CASD1: variants seen among roughly 807,000 people sequenced by gnomAD.
The protein encoded by CASD1 is CAS1 domain sialic acid O acetyltransferase 1.
Under a neutral mutation model 100.0 loss-of-function variants are expected in CASD1, and 41 were observed. The ratio of observed to expected loss-of-function variants is 0.41; its 90% CI spans 0.32 to 0.53. CASD1 has a LOEUF of 0.53. Ranked by LOEUF, CASD1 falls within the 20% of genes least tolerant of loss-of-function variation. CASD1 has a pLI of 0.25. For synonymous variants in CASD1, 321 were observed against 315.6 expected (o/e 1.02, Z -0.18); for missense variants, 774 against 948.7 (o/e 0.82, Z 2.42).
rs747888341 is a variant in CASD1, at chr7:94,555,579, A to G, written c.2215A>G (p.Ile739Val). The part of the protein sequence containing the change: ...LIPGNPMLNI[I>V]VSTFIFVCVA... ...ACCTGGAAACCCTATGCTCAACATC[A>G]TTGTCAGCACTTTCATATTTGTTTG... The change falls in exon 18 of 18, where the codon ATT becomes GTT. Residue 739 changes from isoleucine (I) to valine (V), a missense_variant. Coordinates refer to ENST00000297273, the MANE Select transcript of CASD1 (RefSeq NM_022900.5). The G allele has an allele frequency of 1.2e-5, 19 of 1,613,424 alleles. No individual in the cohort carries two copies. In the African/African-American group the frequency reaches 2.0e-4, roughly 17 times the overall value.
intron 3 of CASD1, chr7:94,524,055 T>C (rs781203787): frequency 5.9e-5 from 9 of 152,120 alleles, no homozygotes; most frequent in Non-Finnish European, 1.2e-4. Context: ...TGGATGAGTT[T>C]AAACTTAAAT....
At chr7:94,518,982 C>T (rs902368525) in intron 3 of CASD1, among the ~76,000 whole-genome samples, 1 of 151,978 alleles carries the variant, frequency 6.6e-6, no homozygotes, top group Non-Finnish European at 1.5e-5. Flanking sequence ...AGAACATAAA[C>T]ATTTAAAAAT....
At chr7:94,557,349 C>T (rs577169218), downstream of CASD1, among the ~76,000 whole-genome samples, 1 of 152,172 alleles carries the variant, frequency 6.6e-6, no homozygotes, top group African/African-American at 2.4e-5. Flanking sequence ...TTTGCCCTTA[C>T]TTAATCTTTT....
the CASD1 span, chr7:94,599,412 A>G: frequency 2.4e-6 from 1 of 416,558 alleles, no homozygotes; most frequent in Non-Finnish European, 4.3e-6. Context: ...TGGTTTATAG[A>G]AATGCAGATT....
downstream of CASD1, among the ~76,000 whole-genome samples, chr7:94,561,557 T>C (rs1383021476): frequency 6.6e-6 from 1 of 152,268 alleles, no homozygotes; most frequent in East Asian, 1.9e-4. Context: ...AGCAGAACTT[T>C]GGAACCTAAA....
At chr7:94,632,827 G>A in the CASD1 span, among the ~76,000 whole-genome samples, 3 of 152,076 alleles carry the variant, frequency 2.0e-5, no homozygotes, top group Admixed American at 6.6e-5. Flanking sequence ...CAGAGAATTC[G>A]AAGCTATAGG....
intron 10 of CASD1, among the ~76,000 whole-genome samples, chr7:94,543,379 C>T (rs1217142960): frequency 1.3e-5 from 2 of 152,118 alleles, no homozygotes; most frequent in Admixed American, 6.6e-5. Flanking sequence ...TATGGACAGG[C>T]GCAGTGGCTC....
intron 3 of CASD1, among the ~76,000 whole-genome samples, chr7:94,522,259 G>T (rs1458750406): frequency 2.6e-5 from 4 of 152,044 alleles, no homozygotes; most frequent in African/African-American, 9.7e-5. Flanking sequence ...AAATGAAAAA[G>T]GATTCACCAG....
the CASD1 span, among the ~76,000 whole-genome samples, chr7:94,567,965 CAT>C: frequency 2.0e-5 from 3 of 152,060 alleles, no homozygotes; most frequent in Non-Finnish European, 4.4e-5. Context: ...GTATAAAGTT[CAT>C]ATGATTCCAA....
chr7:94,594,820 T>G, the CASD1 span, among the ~76,000 whole-genome samples: 7 of 152,146 alleles, frequency 4.6e-5, no homozygotes, highest in Non-Finnish European at 2.9e-5. Context: ...GGCCTTACAT[T>G]TCTAGACTAT....
At chr7:94,585,487 A>C in the CASD1 span, 2 of 1,606,994 alleles carry the variant, frequency 1.2e-6, no homozygotes, top group Admixed American at 3.3e-5. Context: ...TGCTTCAGTC[A>C]GTTTTCTTTC....
chr7:94,602,993 C>T, the CASD1 span, among the ~76,000 whole-genome samples: 2 of 152,156 alleles, frequency 1.3e-5, no homozygotes, highest in African/African-American at 4.8e-5. Context: ...CATACTAACT[C>T]CACTATCTGT....
chr7:94,614,591 A>G, the CASD1 span, among the ~76,000 whole-genome samples: 1 of 151,874 alleles, frequency 6.6e-6, no homozygotes, highest in East Asian at 1.9e-4. Context: ...TAGCGTTCCC[A>G]TTTCTCATTT....
chr7:94,590,292 A>G, the CASD1 span, among the ~76,000 whole-genome samples: 2 of 152,288 alleles, frequency 1.3e-5, no homozygotes, highest in Non-Finnish European at 1.5e-5. Flanking sequence ...AAAAATCTCA[A>G]GAACCACCTT....
At chr7:94,580,011 A>G in the CASD1 span, among the ~76,000 whole-genome samples, 1 of 152,192 alleles carries the variant, frequency 6.6e-6, no homozygotes, top group African/African-American at 2.4e-5. Flanking sequence ...CAAAGTATCA[A>G]TGTAACAACA....
rs2116415713 is a variant in CASD1 at position 94,551,460 on chromosome 7, T to C, written c.1938T>C (p.Ile646=). The C allele has an allele frequency of 6.7e-7, 1 of 1,486,386 alleles. No homozygotes were observed. Among genetic ancestry groups the C allele is most frequent in the South Asian group, 1.4e-5 (1 of 69,960 alleles). The allele number at this position is 1,486,386 out of a possible 1,614,324, so 92.1% of individuals were successfully genotyped here. The stretch of plus-strand genomic sequence containing the variant: ...AAATTTCAAATTTTCTGTTGTTTAT[T>C]TCAGTAGTTTCTTTCTTGGTAAGTT... The part of the protein sequence containing the change: ...SNKISNFLLF[I]SVVSFLTYSI... The change falls in exon 15 of 18, where the codon ATT becomes ATC. Residue 646 remains isoleucine (I), a synonymous_variant. Coordinates refer to ENST00000297273, the MANE Select transcript of CASD1 (RefSeq NM_022900.5).
the CASD1 span, chr7:94,625,242 C>T: frequency 4.6e-5 from 7 of 151,844 alleles, no homozygotes; most frequent in South Asian, 1.2e-3. Context: ...ATTTAAGATA[C>T]AAAAATTCTT....
At chr7:94,619,045 C>T in the CASD1 span, 1 of 914,838 alleles carries the variant, frequency 1.1e-6, no homozygotes, top group Admixed American at 1.7e-5. Context: ...TTGTTGAGTT[C>T]TGTCATAATC....
chr7:94,555,966 C>A lies in CASD1; in HGVS notation c.*208C>A. The A allele has an allele frequency of 1.9e-6, 1 of 519,848 alleles. No individual in the cohort carries two copies. The highest frequency in any genetic ancestry group is 5.1e-4 in the Middle Eastern group (1 of 1,976). 32.2% of individuals were successfully genotyped at this position (519,848 alleles called of 1,614,324 possible). A position where few individuals can be genotyped will look rare whatever the true frequency, so the allele number is the denominator to read the frequency against. ...TGAAATACTAAAACAAACAAACAAA[C>A]AAAAAACCAGAATGCATTGTATAGG... On this transcript the variant is annotated 3_prime_UTR_variant, in exon 18 of 18. Coordinates refer to ENST00000297273, the MANE Select transcript of CASD1 (RefSeq NM_022900.5).
Sources: gnomAD v4.1 joint callset for allele counts (sites outside exome capture counted in the v4.1 genomes callset) on GRCh38, gnomAD v4.1.1 for gene constraint, MANE v1.5 for transcripts, NCBI Gene and HGNC (gene_info 2026-07-23, HGNC 2026-07-21) for gene names.